The following DRD2 variants were observed in gnomAD, a reference collection of about 807,000 sequenced individuals.
DRD2 encodes D(2) dopamine receptor.
Under a neutral mutation model 38.0 loss-of-function variants are expected in DRD2, and 8 were observed. The observed-to-expected ratio is 0.21, with a 90% CI of 0.12 to 0.38. DRD2 has a LOEUF of 0.38. Ranked by LOEUF, DRD2 falls within the 10% of genes least tolerant of loss-of-function variation. The pLI is 1.00. For synonymous variants in DRD2, 230 were observed against 238.6 expected (o/e 0.96, Z 0.33); for missense variants, 403 against 607.7 (o/e 0.66, Z 3.54).
intron 6 of DRD2, among the ~76,000 whole-genome samples, chr11:113,413,531 A>G (rs1565659642): frequency 6.6e-6 from 1 of 152,164 alleles, no homozygotes; most frequent in Non-Finnish European, 1.5e-5. Context: ...CTGAACTTCT[A>G]AAGTGCAGCC....
In DRD2 at chr11:113,416,382, C is replaced by T. The variant is rs551972294; in HGVS notation, c.532+481G>A. ...CAGAAATGGGCATGTGGTCAGCTTA[C>T]CTCCTATTCACTTCTAGCTTTCCTG... is the stretch of plus-strand genomic sequence containing the variant. On this transcript the variant is annotated intron_variant, in intron 4 of 7. Transcript: ENST00000362072. 2.6e-5 allele frequency among the ~76,000 whole-genome samples: 4 copies of T among 152,324 alleles called. No homozygotes were observed. The East Asian group carries it at 5.8e-4, about 22-fold the overall frequency.
At chr11:113,418,347 A>T (rs1950848342) in intron 2 of DRD2, among the ~76,000 whole-genome samples, 1 of 152,110 alleles carries the variant, frequency 6.6e-6, no homozygotes, top group Non-Finnish European at 1.5e-5. Flanking sequence ...AAGACCACTT[A>T]TTGCCAATTA....
chr11:113,413,476 G>C (rs1950790605), intron 6 of DRD2: 1 of 426,932 alleles, frequency 2.3e-6, no homozygotes, highest in South Asian at 1.6e-5. Context: ...TGGCCTCCTG[G>C]GTTCTTCCAT....
intron 1 of DRD2, among the ~76,000 whole-genome samples, chr11:113,436,630 G>A (rs1951040782): frequency 6.6e-6 from 1 of 152,172 alleles, no homozygotes; most frequent in Non-Finnish European, 1.5e-5. Context: ...AGGGGTAGAA[G>A]CATAGATGGA....
At chr11:113,452,390 G>C (rs1483768565) in intron 1 of DRD2, among the ~76,000 whole-genome samples, 4 of 151,466 alleles carry the variant, frequency 2.6e-5, no homozygotes, top group Admixed American at 6.6e-5. Flanking sequence ...TTTAGCCCTT[G>C]CTTTCCATGT....
At chr11:113,444,508 G>A (rs368844065) in intron 1 of DRD2, among the ~76,000 whole-genome samples, 6 of 152,308 alleles carry the variant, frequency 3.9e-5, no homozygotes, top group African/African-American at 1.4e-4. Flanking sequence ...GAGGGCTTCT[G>A]CTGTACTGAC....
chr11:113,419,533 T>G (rs1354596170), intron 2 of DRD2, among the ~76,000 whole-genome samples: 1 of 117,784 alleles, frequency 8.5e-6, no homozygotes, highest in Non-Finnish European at 1.6e-5. Flanking sequence ...CACACACTCA[T>G]GGCAGATTAC....
At chr11:113,427,106 T>C (rs938307554) in intron 1 of DRD2, among the ~76,000 whole-genome samples, 2 of 152,232 alleles carry the variant, frequency 1.3e-5, no homozygotes, top group Non-Finnish European at 2.9e-5. Context: ...GATAGTTTGC[T>C]AAGTTTTTTG....
At chr11:113,413,547 A>G (rs1485090596) in intron 6 of DRD2, among the ~76,000 whole-genome samples, 3 of 152,176 alleles carry the variant, frequency 2.0e-5, no homozygotes, top group Non-Finnish European at 4.4e-5. Flanking sequence ...CAGCCTCACT[A>G]TGTGCCTAGG....
intron 1 of DRD2, among the ~76,000 whole-genome samples, chr11:113,472,921 G>C (rs772516381): frequency 2.0e-4 from 30 of 152,140 alleles, no homozygotes; most frequent in Non-Finnish European, 3.5e-4. Context: ...GAAGATCCTG[G>C]GGGAGAGGAG....
chr11:113,451,490 A>T (rs1951209253), intron 1 of DRD2, among the ~76,000 whole-genome samples: 1 of 151,738 alleles, frequency 6.6e-6, no homozygotes, highest in South Asian at 2.1e-4. Flanking sequence ...TCTTTTATTT[A>T]TTATTTATTT....
At chr11:113,413,850 G>A (rs1045698394) in intron 6 of DRD2, 2 of 219,528 alleles carry the variant, frequency 9.1e-6, no homozygotes, top group South Asian at 7.2e-5. Context: ...ACCAGTCCCC[G>A]CAGCTGCTCT....
chr11:113,460,916 C>G (rs1951312751), intron 1 of DRD2, among the ~76,000 whole-genome samples: 1 of 152,254 alleles, frequency 6.6e-6, no homozygotes, highest in Admixed American at 6.5e-5. Context: ...AGAACAGCTC[C>G]TTGGAAATCC....
At chr11:113,448,751 A>T (rs778660955) in intron 1 of DRD2, among the ~76,000 whole-genome samples, 1 of 152,106 alleles carries the variant, frequency 6.6e-6, no homozygotes, top group Non-Finnish European at 1.5e-5. Context: ...AGTGGAAAGG[A>T]TTGGTAAGGA....
Position 113,441,972 on chromosome 11 carries a change from T to C in DRD2, c.-31-17290A>G, listed in dbSNP as rs540187109. On this transcript the variant is annotated intron_variant, in intron 1 of 7. Coordinates refer to ENST00000362072, the MANE Select transcript of DRD2 (RefSeq NM_000795.4). Reference sequence around the variant, plus strand: ...CCAAAAAAAAAAAAAAAGCTACACCTCCACGCTTGTTCCCCACATCCCCCG... The same window carrying C: ...CCAAAAAAAAAAAAAAAGCTACACCCCCACGCTTGTTCCCCACATCCCCCG... Among the ~76,000 whole-genome samples the C allele has an allele frequency of 5.0e-3, 751 of 150,410 alleles. 4 individuals carry two copies. The highest frequency in any genetic ancestry group is 0.014 in the Middle Eastern group (4 of 292).
At chr11:113,424,304 C>T in intron 2 of DRD2, 63 bp downstream of exon 2, 3 of 1,566,072 alleles carry the variant, frequency 1.9e-6, no homozygotes, top group South Asian at 2.3e-5. Context: ...GAGCTAGAGT[C>T]CCCAGTGTCC....
At chr11:113,459,903 A>G (rs1161487829) in intron 1 of DRD2, among the ~76,000 whole-genome samples, 1 of 152,228 alleles carries the variant, frequency 6.6e-6, no homozygotes, top group East Asian at 1.9e-4. Context: ...CCTCCAAAAT[A>G]TGTACAACTA....
intron 1 of DRD2, among the ~76,000 whole-genome samples, chr11:113,432,405 T>G (rs980388100): frequency 6.6e-5 from 10 of 151,900 alleles, no homozygotes; most frequent in Admixed American, 3.9e-4. Context: ...AAGCCCTGGA[T>G]GCAGCATAAA....
At chr11:113,418,577 G>A (rs901013064) in intron 2 of DRD2, among the ~76,000 whole-genome samples, 16 of 152,202 alleles carry the variant, frequency 1.1e-4, no homozygotes, top group African/African-American at 1.7e-4. Flanking sequence ...GAGACTTACT[G>A]TCCCAGAGCT....
Sources: gnomAD v4.1 joint callset for allele counts (sites outside exome capture counted in the v4.1 genomes callset) on GRCh38, gnomAD v4.1.1 for gene constraint, MANE v1.5 for transcripts, NCBI Gene and HGNC (gene_info 2026-07-23, HGNC 2026-07-21) for gene names.